ANO1: variants seen among roughly 807,000 people sequenced by gnomAD.
ANO1 encodes the protein anoctamin-1.
ANO1 carries 59 observed loss-of-function variants against 124.0 expected under a neutral mutation model. The ratio of observed to expected loss-of-function variants is 0.48; its 90% CI spans 0.39 to 0.59. The LOEUF (loss-of-function observed/expected upper bound fraction) is 0.59, where lower values mean the gene tolerates loss of function less well. Among genes scored for constraint, ANO1 ranks in the 20% least tolerant of loss-of-function variants. The pLI, the probability that ANO1 is intolerant of heterozygous loss-of-function variation, is 0.00. For missense variants in ANO1, 1,059 were observed against 1,328.0 expected (o/e 0.80, Z 3.15); for synonymous variants, 529 against 532.0 (o/e 0.99, Z 0.08).
intron 4 of ANO1, among the ~76,000 whole-genome samples, chr11:70,105,174 T>C (rs1241068356): frequency 2.0e-5 from 3 of 152,014 alleles, no homozygotes; most frequent in Non-Finnish European, 4.4e-5. Flanking sequence ...AGGTGGAAAC[T>C]GGCCCAGCCG....
intron 10 of ANO1, among the ~76,000 whole-genome samples, chr11:70,128,845 G>A (rs926984311): frequency 6.6e-6 from 1 of 152,252 alleles, no homozygotes; most frequent in South Asian, 2.1e-4. Flanking sequence ...TGGTGTTTGT[G>A]CGAGAAGCTG....
the ANO1 span, among the ~76,000 whole-genome samples, chr11:69,974,824 G>T: frequency 5.3e-5 from 8 of 151,696 alleles, no homozygotes; most frequent in South Asian, 1.0e-3. Flanking sequence ...CAGGATTCCT[G>T]GCTGCAAGCA....
chr11:70,123,566 C>A (rs761859228), intron 8 of ANO1, among the ~76,000 whole-genome samples: 1 of 152,164 alleles, frequency 6.6e-6, no homozygotes, highest in Non-Finnish European at 1.5e-5. Context: ...CCAGAATGGG[C>A]TCTGAGCTGA....
chr11:70,059,950 C>CTTTTTTTTTT (rs36021561), intron 1 of ANO1, among the ~76,000 whole-genome samples: 4 of 75,570 alleles, frequency 5.3e-5, no homozygotes, highest in Admixed American at 1.6e-4. Flanking sequence ...AGGCGTTGGC[C>CTTTTTTTTTT]TTTTTTTTTT....
At position 70,078,624 on chromosome 11, in the gene ANO1, G is replaced by A; in HGVS notation, c.18G>A (p.Lys6=). 1.3e-6 allele frequency: 2 copies of A among 1,498,918 alleles called. No individual in the cohort carries two copies. Among genetic ancestry groups the A allele is most frequent in the East Asian group, 3.0e-5 (1 of 33,486 alleles). The allele number at this position is 1,498,918 out of a possible 1,614,324, so 92.9% of individuals were successfully genotyped here. A position where few individuals can be genotyped will look rare whatever the true frequency, so the allele number is the denominator to read the frequency against. Residue 6 remains lysine (K), a synonymous_variant, in exon 1 of 26, where the codon AAG becomes AAA. Coordinates refer to ENST00000355303, the MANE Select transcript of ANO1 (RefSeq NM_018043.7). The part of the protein sequence containing the change: MRVNE[K]YSTLPAEDRS... ...CGGCCACGATGAGGGTCAACGAGAA[G>A]TACTCGACGCTCCCGGCCGAGGACC...
intron 2 of ANO1, among the ~76,000 whole-genome samples, chr11:70,095,304 GA>G (rs2044837735): frequency 5.6e-4 from 38 of 68,354 alleles, no homozygotes; most frequent in Non-Finnish European, 7.3e-4. Context: ...AGGAAGGAAA[GA>G]AAGAAAGAAA....
At chr11:70,081,419 C>T (rs1393924160) in intron 1 of ANO1, among the ~76,000 whole-genome samples, 3 of 152,142 alleles carry the variant, frequency 2.0e-5, no homozygotes, top group Non-Finnish European at 2.9e-5. Context: ...GATTATGGAA[C>T]GTGCCCCATA....
Position 70,125,964 on chromosome 11 carries a change from TG to T in ANO1, c.963-95del, listed in dbSNP as rs573539120. 769 of 1,442,228 alleles carry T rather than the reference TG, an allele frequency of 5.3e-4. 3 individuals carry two copies. The Middle Eastern group carries it at 0.011, about 21-fold the overall frequency. 89.3% of individuals were successfully genotyped at this position (1,442,228 alleles called of 1,614,324 possible). On this transcript the variant is annotated intron_variant, in intron 9 of 25. Coordinates refer to ENST00000355303, the MANE Select transcript of ANO1 (RefSeq NM_018043.7). ...TCTGGGATGAGGGAACCAGTGCCCC[TG>T]GTTTGAGTTGCTCTTGCTGGGGAGG...
intron 1 of ANO1, among the ~76,000 whole-genome samples, chr11:70,009,979 A>C (rs1856560799): frequency 6.6e-6 from 1 of 151,594 alleles, no homozygotes; most frequent in Non-Finnish European, 1.5e-5. Flanking sequence ...ATGCCTTTGC[A>C]TCCTCATAGT....
chr11:70,098,213 C>T (rs1049396156), intron 2 of ANO1, among the ~76,000 whole-genome samples: 1 of 152,204 alleles, frequency 6.6e-6, no homozygotes, highest in African/African-American at 2.4e-5. Context: ...GCTGGGTGTT[C>T]TCCTCCTTGG....
chr11:70,141,029 C>T (rs2047135226), intron 11 of ANO1, among the ~76,000 whole-genome samples: 1 of 152,314 alleles, frequency 6.6e-6, no homozygotes, highest in African/African-American at 2.4e-5. Flanking sequence ...AATCACACAG[C>T]TAACAGGTCC....
chr11:69,975,298 G>GGATC, the ANO1 span, among the ~76,000 whole-genome samples: 1 of 152,206 alleles, frequency 6.6e-6, no homozygotes, highest in African/African-American at 2.4e-5. Flanking sequence ...CACCAGTGGG[G>GGATC]GATCCCCCAG....
At chr11:70,075,602 A>G (rs1422938269), upstream of ANO1, 1 of 152,208 alleles carries the variant, frequency 6.6e-6, no homozygotes, top group Non-Finnish European at 1.5e-5. Flanking sequence ...GAAATGCACC[A>G]TCTAGACGAA....
At chr11:70,143,053 G>A (rs2047217169) in intron 11 of ANO1, among the ~76,000 whole-genome samples, 1 of 152,144 alleles carries the variant, frequency 6.6e-6, no homozygotes, top group African/African-American at 2.4e-5. Flanking sequence ...AATGGATAGG[G>A]ACCCCACATG....
At position 70,000,571 on chromosome 11, in the gene ANO1, G is replaced by A. The variant is rs569384265; in HGVS notation, c.58+14405G>A. On this transcript the variant is annotated intron_variant, in intron 1 of 27. Coordinates refer to the ANO1 transcript ENST00000531349. ...GAACCCTTGCCTACTGCTCATGGGT[G>A]TGGAGACTGATACTCTGGAAGACTG... Among the ~76,000 whole-genome samples, 51 of 151,122 alleles carry A rather than the reference G, an allele frequency of 3.4e-4. 1 individual carries two copies. The Middle Eastern group carries it at 0.014, about 41-fold the overall frequency.
intron 1 of ANO1, among the ~76,000 whole-genome samples, chr11:70,057,632 G>T (rs1220295115): frequency 6.6e-6 from 1 of 152,142 alleles, no homozygotes; most frequent in African/African-American, 2.4e-5. Flanking sequence ...GGGTCACAAG[G>T]TGCTCAGAGG....
At chr11:70,145,055 G>T (rs979848758) in intron 11 of ANO1, among the ~76,000 whole-genome samples, 1 of 152,170 alleles carries the variant, frequency 6.6e-6, no homozygotes, top group African/African-American at 2.4e-5. Context: ...TGGGACCCTC[G>T]GAGGGCAGGA....
At chr11:69,990,321 C>A (rs1554997303) in intron 1 of ANO1, among the ~76,000 whole-genome samples, 2 of 152,222 alleles carry the variant, frequency 1.3e-5, no homozygotes, top group Admixed American at 6.5e-5. Flanking sequence ...TAGCATATAT[C>A]AGTAATCATT....
At chr11:70,095,362 GAA>G (rs1394540291) in intron 2 of ANO1, among the ~76,000 whole-genome samples, 35 of 20,248 alleles carry the variant, frequency 1.7e-3, no homozygotes, top group East Asian at 4.2e-3. Flanking sequence ...AAGAAAGAAA[GAA>G]AGAAAGAAAG....
Sources: gnomAD v4.1 joint callset for allele counts (sites outside exome capture counted in the v4.1 genomes callset) on GRCh38, gnomAD v4.1.1 for gene constraint, MANE v1.5 for transcripts, NCBI Gene and HGNC (gene_info 2026-07-23, HGNC 2026-07-21) for gene names.